CSMD1: variants seen among roughly 807,000 people sequenced by gnomAD.
CSMD1 encodes CUB and Sushi multiple domains 1.
Under a neutral mutation model 417.5 loss-of-function variants are expected in CSMD1, and 213 were observed. That is an observed-to-expected ratio of 0.51 (90% CI 0.46 to 0.57). CSMD1 has a LOEUF of 0.57. CSMD1 is among the 20% of genes least tolerant of loss of function. CSMD1 has a pLI of 0.00. For synonymous variants in CSMD1, 2,862 were observed against 1,736.8 expected, an observed-to-expected ratio of 1.65 and a Z score of -16.11; for missense variants, 6,923 against 4,529.7, an observed-to-expected ratio of 1.53 and a Z score of -15.17.
At chr8:4,964,171 T>C (rs1439694087) in intron 1 of CSMD1, among the ~76,000 whole-genome samples, 2 of 151,880 alleles carry the variant, frequency 1.3e-5, no homozygotes, top group Admixed American at 1.3e-4. Flanking sequence ...AAGGAGGAGA[T>C]AAGAGAAAAG....
At chr8:4,580,566 G>T (rs1211490263) in intron 2 of CSMD1, among the ~76,000 whole-genome samples, 1 of 152,136 alleles carries the variant, frequency 6.6e-6, no homozygotes, top group Admixed American at 6.5e-5. Flanking sequence ...GGCGTCTCAT[G>T]AGGCTCCTCC....
chr8:3,304,747 T>G (rs1484123760), intron 25 of CSMD1, among the ~76,000 whole-genome samples: 1 of 152,080 alleles, frequency 6.6e-6, no homozygotes, highest in Non-Finnish European at 1.5e-5. Context: ...ATTTTTTTTA[T>G]TAAAATGTTA....
At chr8:3,647,939 T>G (rs564148602) in intron 7 of CSMD1, among the ~76,000 whole-genome samples, 1 of 152,250 alleles carries the variant, frequency 6.6e-6, no homozygotes, top group South Asian at 2.1e-4. Flanking sequence ...GTAAGAGACA[T>G]GTGCCACTTC....
At chr8:4,303,872 G>C (rs562211375) in intron 3 of CSMD1, among the ~76,000 whole-genome samples, 1 of 152,102 alleles carries the variant, frequency 6.6e-6, no homozygotes, top group Admixed American at 6.5e-5. Context: ...GCCCAGGCTG[G>C]TCTCGAACTC....
intron 51 of CSMD1, among the ~76,000 whole-genome samples, chr8:3,022,693 A>G (rs77199891): frequency 6.6e-6 from 1 of 151,516 alleles, no homozygotes; most frequent in East Asian, 1.9e-4. Flanking sequence ...AAAAAAAAAA[A>G]AAGCTAAATG....
intron 5 of CSMD1, among the ~76,000 whole-genome samples, chr8:3,768,225 G>C (rs964261722): frequency 6.6e-6 from 1 of 152,150 alleles, no homozygotes; most frequent in African/African-American, 2.4e-5. Context: ...CAACCATACA[G>C]TGGCCAATGG....
intron 1 of CSMD1, among the ~76,000 whole-genome samples, chr8:4,759,723 G>T (rs559405938): frequency 6.6e-6 from 1 of 152,108 alleles, no homozygotes; most frequent in Non-Finnish European, 1.5e-5. Context: ...CTCTATCCAT[G>T]TTCCTGAAAA....
chr8:3,956,947 C>G (rs761239928), intron 5 of CSMD1, among the ~76,000 whole-genome samples: 1 of 152,082 alleles, frequency 6.6e-6, no homozygotes, highest in Non-Finnish European at 1.5e-5. Flanking sequence ...AAGAATATTA[C>G]TTTTTCTATA....
chr8:3,631,324 C>G (rs1796772970), intron 7 of CSMD1, among the ~76,000 whole-genome samples: 1 of 152,192 alleles, frequency 6.6e-6, no homozygotes, highest in South Asian at 2.1e-4. Context: ...GTTTATTGTT[C>G]TCATTCTGAG....
intron 26 of CSMD1, among the ~76,000 whole-genome samples, chr8:3,276,586 T>A (rs535118189): frequency 6.6e-6 from 1 of 152,280 alleles, no homozygotes; most frequent in South Asian, 2.1e-4. Context: ...GTCCCTCCCA[T>A]GATACGTGGG....
intron 8 of CSMD1, among the ~76,000 whole-genome samples, chr8:3,608,594 T>G (rs1435013539): frequency 2.0e-5 from 3 of 151,798 alleles, no homozygotes; most frequent in African/African-American, 7.3e-5. Context: ...AAACCCCGTC[T>G]CTATTAAAAA....
chr8:4,630,278 A>G (rs1802432979), intron 2 of CSMD1, among the ~76,000 whole-genome samples: 1 of 49,628 alleles, frequency 2.0e-5, no homozygotes, highest in Non-Finnish European at 5.3e-5. Flanking sequence ...ACACACACAC[A>G]CACACACACA....
chr8:4,789,997 T>C (rs1179975456), intron 1 of CSMD1, among the ~76,000 whole-genome samples: 1 of 152,190 alleles, frequency 6.6e-6, no homozygotes, highest in Non-Finnish European at 1.5e-5. Context: ...TGCAACTCAA[T>C]GGAGGCCAAG....
chr8:3,748,478 T>C (rs1238020789), intron 6 of CSMD1, among the ~76,000 whole-genome samples: 5 of 152,174 alleles, frequency 3.3e-5, no homozygotes, highest in South Asian at 2.1e-4. Context: ...TTGAGGGGAA[T>C]AGGAGCACTT....
At position 4,752,011 on chromosome 8, in the gene CSMD1, A is replaced by G. The variant is rs564266675; in HGVS notation, c.86-114453T>C. ...ATATGCGTGTATACACAAAATACTG[A>G]TTAGTATCTACATTAAATATGTATA... On this transcript the variant is annotated intron_variant, in intron 1 of 69. Coordinates refer to ENST00000635120, the MANE Select transcript of CSMD1 (RefSeq NM_033225.6). Among the ~76,000 whole-genome samples the G allele has an allele frequency of 5.3e-5, 8 of 152,296 alleles. No homozygotes were observed. In the South Asian group the frequency reaches 1.7e-3, roughly 32 times the overall value.
chr8:3,897,076 C>T (rs1174590540), intron 5 of CSMD1, among the ~76,000 whole-genome samples: 2 of 152,036 alleles, frequency 1.3e-5, no homozygotes, highest in Non-Finnish European at 2.9e-5. Context: ...CTGGAAGTTT[C>T]CGAATGTTCC....
At chr8:3,850,142 G>C (rs932420171) in intron 5 of CSMD1, among the ~76,000 whole-genome samples, 4 of 152,266 alleles carry the variant, frequency 2.6e-5, no homozygotes, top group Admixed American at 2.0e-4. Flanking sequence ...CCATTCTTAG[G>C]GCATATCCCT....
chr8:3,186,956 G>A (rs1343667059), intron 36 of CSMD1, among the ~76,000 whole-genome samples: 2 of 152,204 alleles, frequency 1.3e-5, no homozygotes, highest in African/African-American at 4.8e-5. Context: ...TGGCCAGGCT[G>A]GTCTCGAACT....
At chr8:3,338,587 G>A (rs1001944008) in intron 23 of CSMD1, among the ~76,000 whole-genome samples, 1 of 152,110 alleles carries the variant, frequency 6.6e-6, no homozygotes, top group African/African-American at 2.4e-5. Context: ...CACTGTTGTT[G>A]CCAAGTGCCT....
Sources: gnomAD v4.1 joint callset for allele counts (sites outside exome capture counted in the v4.1 genomes callset) on GRCh38, gnomAD v4.1.1 for gene constraint, MANE v1.5 for transcripts, NCBI Gene and HGNC (gene_info 2026-07-23, HGNC 2026-07-21) for gene names.